Variants in NAA11 observed in about 807,000 individuals in gnomAD.
NAA11 encodes the protein N-alpha-acetyltransferase 11, NatA catalytic subunit.
Under a neutral mutation model 16.1 loss-of-function variants are expected in NAA11, and 15 were observed. The ratio of observed to expected loss-of-function variants is 0.93; its 90% CI spans 0.62 to 1.44. NAA11 has a LOEUF of 1.44. Among genes scored for constraint, NAA11 ranks in the 40% most tolerant of loss-of-function variants. NAA11 has a pLI of 0.00. For missense variants in NAA11, 298 were observed against 291.3 expected (o/e 1.02, Z -0.17); for synonymous variants, 122 against 112.4 (o/e 1.09, Z -0.54).
intron 2 of NAA11, among the ~76,000 whole-genome samples, chr4:79,284,380 C>A (rs950208648): frequency 8.6e-5 from 13 of 151,968 alleles, no homozygotes; most frequent in African/African-American, 3.1e-4. Flanking sequence ...CTTCTTAAAT[C>A]GAATCTTGAC....
At chr4:79,220,689 G>A in the NAA11 span, among the ~76,000 whole-genome samples, 1 of 151,882 alleles carries the variant, frequency 6.6e-6, no homozygotes, top group Admixed American at 6.6e-5. Context: ...TCAAGTTTAA[G>A]ATTTCTCTAC....
chr4:79,310,746 T>C (rs1723748633), intron 1 of NAA11, among the ~76,000 whole-genome samples: 1 of 152,212 alleles, frequency 6.6e-6, no homozygotes, highest in South Asian at 2.1e-4. Flanking sequence ...ATATTATTTA[T>C]AGGAGCAAGT....
chr4:79,226,981 C>A (rs1260222835), intron 2 of NAA11, among the ~76,000 whole-genome samples: 1 of 152,038 alleles, frequency 6.6e-6, no homozygotes, highest in Admixed American at 6.6e-5. Flanking sequence ...ATTTCTAGTT[C>A]TAGATCCCTG....
chr4:79,222,798 G>A (rs1721221105), downstream of NAA11, among the ~76,000 whole-genome samples: 1 of 151,502 alleles, frequency 6.6e-6, no homozygotes, highest in African/African-American at 2.4e-5. Flanking sequence ...AAATTTACAA[G>A]AAAAAAACAA....
At chr4:79,270,024 C>A (rs574744942) in intron 2 of NAA11, among the ~76,000 whole-genome samples, 1 of 151,172 alleles carries the variant, frequency 6.6e-6, no homozygotes, top group East Asian at 1.9e-4. Context: ...AGGTATGCGG[C>A]GTTATTTCTG....
intron 2 of NAA11, among the ~76,000 whole-genome samples, chr4:79,228,494 C>T (rs573513217): frequency 2.0e-5 from 3 of 151,902 alleles, no homozygotes; most frequent in African/African-American, 7.2e-5. Flanking sequence ...TATAGTCATA[C>T]CTTCCCTCAC....
downstream of NAA11, among the ~76,000 whole-genome samples, chr4:79,312,517 G>A (rs988960713): frequency 6.6e-6 from 1 of 151,792 alleles, no homozygotes; most frequent in Non-Finnish European, 1.5e-5. Flanking sequence ...CAGGCGTCGT[G>A]GCACATACCT....
Position 79,316,743 on chromosome 4 carries a change from A to T in NAA11, c.*1061T>A, listed in dbSNP as rs1430919144. 6.6e-6 allele frequency: 1 copy of T among 152,206 alleles called. No homozygotes were observed. Among genetic ancestry groups the T allele is most frequent in the Non-Finnish European group, 1.5e-5 (1 of 68,034 alleles). 9.4% of individuals were successfully genotyped at this position (152,206 alleles called of 1,614,324 possible). A position where few individuals can be genotyped will look rare whatever the true frequency, so the allele number is the denominator to read the frequency against. ...AATAATAAAAATAGATTATAATTGT[A>T]GGTTATATAAATATTTACAATTGAC... On this transcript the variant is annotated 3_prime_UTR_variant, in exon 2 of 2. Transcript: ENST00000286794.
intron 1 of NAA11, among the ~76,000 whole-genome samples, chr4:79,296,241 C>T (rs76808563): frequency 1.2e-3 from 177 of 152,258 alleles, no homozygotes; most frequent in Non-Finnish European, 2.0e-3. Flanking sequence ...TACTAATTAT[C>T]CCCTTTTTAC....
chr4:79,314,641 TAA>T (rs375245497), downstream of NAA11, among the ~76,000 whole-genome samples: 30 of 98,052 alleles, frequency 3.1e-4, no homozygotes, highest in African/African-American at 7.0e-4. Flanking sequence ...TCCTTAAAAT[TAA>T]AAAAAAAAAA....
the NAA11 span, among the ~76,000 whole-genome samples, chr4:79,208,164 C>A: frequency 6.6e-6 from 1 of 152,136 alleles, no homozygotes; most frequent in Non-Finnish European, 1.5e-5. Flanking sequence ...ATCAAGGGCT[C>A]TAACTTTGGA....
the NAA11 span, among the ~76,000 whole-genome samples, chr4:79,163,983 T>C: frequency 1.3e-5 from 2 of 152,180 alleles, no homozygotes; most frequent in Non-Finnish European, 2.9e-5. Flanking sequence ...GTAATAAGGT[T>C]GTCATGTCAT....
At chr4:79,191,337 GTT>G in the NAA11 span, among the ~76,000 whole-genome samples, 101 of 145,346 alleles carry the variant, frequency 6.9e-4, no homozygotes, top group African/African-American at 7.5e-4. Context: ...AGCATCTGCT[GTT>G]TTTTTTTTTT....
the NAA11 span, among the ~76,000 whole-genome samples, chr4:79,173,683 C>CG: frequency 6.6e-6 from 1 of 152,010 alleles, no homozygotes; most frequent in Middle Eastern, 3.4e-3. Context: ...AAGATATTCT[C>CG]GTGGGGGAGA....
chr4:79,193,956 G>T, the NAA11 span, among the ~76,000 whole-genome samples: 1 of 152,076 alleles, frequency 6.6e-6, no homozygotes, highest in Non-Finnish European at 1.5e-5. Flanking sequence ...CTTGTAAGTT[G>T]GATTCCTAGG....
At chr4:79,168,123 T>C in the NAA11 span, among the ~76,000 whole-genome samples, 18 of 152,184 alleles carry the variant, frequency 1.2e-4, no homozygotes, top group Non-Finnish European at 1.9e-4. Context: ...ATGCAGTGTT[T>C]GGTTTTCTGT....
intron 2 of NAA11, among the ~76,000 whole-genome samples, chr4:79,248,996 C>T (rs561173269): frequency 6.6e-6 from 1 of 152,166 alleles, no homozygotes; most frequent in African/African-American, 2.4e-5. Context: ...CTTGAGCCCC[C>T]CCCCAGTGCA....
At chr4:79,265,955 TG>T (rs1413643283) in intron 2 of NAA11, among the ~76,000 whole-genome samples, 3 of 152,200 alleles carry the variant, frequency 2.0e-5, no homozygotes, top group Admixed American at 6.5e-5. Context: ...GAATTATGAC[TG>T]ATGTTCCTTT....
the NAA11 span, among the ~76,000 whole-genome samples, chr4:79,211,221 C>T: frequency 4.9e-4 from 74 of 152,102 alleles, no homozygotes; most frequent in South Asian, 0.015. Context: ...CAATATAAAA[C>T]GCTAGATATT....
Sources: allele counts gnomAD v4.1 joint callset (sites outside exome capture counted in the v4.1 genomes callset), GRCh38; gene constraint gnomAD v4.1.1; transcripts MANE v1.5; gene names NCBI Gene and HGNC (gene_info 2026-07-23, HGNC 2026-07-21).